The following SEMA6D variants were observed in gnomAD, a reference collection of about 807,000 sequenced individuals.
SEMA6D encodes semaphorin 6D.
SEMA6D carries 35 observed loss-of-function variants against 106.6 expected under a neutral mutation model. The observed-to-expected ratio is 0.33, with a 90% CI of 0.25 to 0.44. The LOEUF (loss-of-function observed/expected upper bound fraction) is 0.44. Ranked by LOEUF, SEMA6D falls within the 20% of genes least tolerant of loss-of-function variation. SEMA6D has a pLI of 1.00. For missense variants in SEMA6D, 1,185 were observed against 1,345.9 expected, an observed-to-expected ratio of 0.88 and a Z score of 1.87; for synonymous variants, 499 against 487.7, an observed-to-expected ratio of 1.02 and a Z score of -0.31.
chr15:47,620,498 A>G (rs2077078874), intron 4 of SEMA6D, among the ~76,000 whole-genome samples: 1 of 152,182 alleles, frequency 6.6e-6, no homozygotes, highest in African/African-American at 2.4e-5. Context: ...AATTAAGATG[A>G]ACATGCAGCC....
intron 4 of SEMA6D, among the ~76,000 whole-genome samples, chr15:47,707,571 A>G (rs1346570485): frequency 6.6e-6 from 1 of 152,186 alleles, no homozygotes; most frequent in East Asian, 1.9e-4. Flanking sequence ...AAGTTGGAGG[A>G]CAGAGTCTAG....
chr15:47,727,319 C>A (rs536534081), intron 1 of SEMA6D, among the ~76,000 whole-genome samples: 2 of 152,318 alleles, frequency 1.3e-5, no homozygotes, highest in African/African-American at 2.4e-5. Flanking sequence ...TGTTTCGCTG[C>A]GTCTGGAATG....
chr15:47,571,596 T>C (rs918776933), intron 3 of SEMA6D, among the ~76,000 whole-genome samples: 10 of 152,232 alleles, frequency 6.6e-5, no homozygotes, highest in Admixed American at 5.9e-4. Context: ...AACTATTTTG[T>C]GGCTGGGATG....
intron 1 of SEMA6D, among the ~76,000 whole-genome samples, chr15:47,381,249 G>T (rs140152623): frequency 6.6e-6 from 1 of 152,332 alleles, no homozygotes; most frequent in African/African-American, 2.4e-5. Context: ...CAAATTCACA[G>T]GTTCAACCAG....
intron 3 of SEMA6D, among the ~76,000 whole-genome samples, chr15:47,501,871 TG>T (rs145393374): frequency 0.46 from 69,242 of 150,576 alleles, 17,351 homozygotes; most frequent in East Asian, 0.81. Context: ...TGTTTTGTTT[TG>T]TTTTGTTTTA....
intron 1 of SEMA6D, among the ~76,000 whole-genome samples, chr15:47,250,432 C>G (rs1595543963): frequency 6.6e-6 from 1 of 151,666 alleles, no homozygotes; most frequent in East Asian, 1.9e-4. Flanking sequence ...GAACCTTTAG[C>G]AAATCCTGAA....
At chr15:47,314,475 G>T (rs1351145731) in intron 1 of SEMA6D, among the ~76,000 whole-genome samples, 1 of 147,290 alleles carries the variant, frequency 6.8e-6, no homozygotes, top group Admixed American at 6.8e-5. Context: ...GCGGGCGCCT[G>T]TAGTCCCAGC....
At chr15:47,490,434 A>G (rs1296299875) in intron 3 of SEMA6D, among the ~76,000 whole-genome samples, 1 of 152,150 alleles carries the variant, frequency 6.6e-6, no homozygotes, top group African/African-American at 2.4e-5. Context: ...TCACAAGGTC[A>G]GGAGTTCAAG....
intron 1 of SEMA6D, among the ~76,000 whole-genome samples, chr15:47,368,096 A>G (rs1231410735): frequency 6.6e-6 from 1 of 152,108 alleles, no homozygotes; most frequent in African/African-American, 2.4e-5. Context: ...TCAGCATTTC[A>G]TCTTTGTATT....
Position 47,711,082 on chromosome 15 carries a change from G to A in SEMA6D, c.-54-48663G>A, listed in dbSNP as rs554242443. The stretch of plus-strand genomic sequence containing the variant: ...CCCAGCACTTTGGGAGGCCGAGGCG[G>A]GCGGATCACGAGGTCAGGAGATCGA... On this transcript the variant is annotated intron_variant, in intron 4 of 19. Coordinates refer to the SEMA6D transcript ENST00000558014. Among the ~76,000 whole-genome samples, 1,202 of 152,090 alleles carry A rather than the reference G, an allele frequency of 7.9e-3. 17 individuals are homozygous for A. Among genetic ancestry groups the A allele is most frequent in the African/African-American group, 0.028 (1,162 of 41,458 alleles).
At chr15:47,308,456 C>G (rs1283582622) in intron 1 of SEMA6D, among the ~76,000 whole-genome samples, 1 of 152,160 alleles carries the variant, frequency 6.6e-6, no homozygotes, top group African/African-American at 2.4e-5. Context: ...AAGTATTATA[C>G]TTTACCTATA....
At chr15:47,354,901 G>C (rs2038505453) in intron 1 of SEMA6D, among the ~76,000 whole-genome samples, 1 of 152,078 alleles carries the variant, frequency 6.6e-6, no homozygotes, top group African/African-American at 2.4e-5. Flanking sequence ...AGCCCTACGG[G>C]ACAAAATCAC....
chr15:47,281,354 TG>T (rs1265728006), intron 1 of SEMA6D, among the ~76,000 whole-genome samples: 7 of 135,396 alleles, frequency 5.2e-5, no homozygotes, highest in African/African-American at 1.9e-4. Context: ...TTGCAACCCC[TG>T]CCTTTTTTTG....
intron 1 of SEMA6D, among the ~76,000 whole-genome samples, chr15:47,215,682 T>C (rs978625828): frequency 6.6e-6 from 1 of 152,128 alleles, no homozygotes; most frequent in African/African-American, 2.4e-5. Flanking sequence ...TTCACAAAAT[T>C]TCAAAACTGA....
rs908776571 is a variant in SEMA6D at position 47,253,774 on chromosome 15, A to C, written c.-239+69356A>C. On this transcript the variant is annotated intron_variant, in intron 1 of 19. Coordinates refer to the SEMA6D transcript ENST00000558014. ...ACTGTTGCTTTCTAGTATATTCTGA[A>C]GTCAAGTAATGTGATTCCTACAGCT... 3.3e-5 allele frequency among the ~76,000 whole-genome samples: 5 copies of C among 152,188 alleles called. No individual in the cohort carries two copies. In the East Asian group the frequency reaches 7.7e-4, roughly 23 times the overall value.
rs1209579704 is a variant in SEMA6D at position 47,730,684 on chromosome 15, T to C, written c.-55+12992T>C. 6 of 1,608,506 alleles carry C rather than the reference T, an allele frequency of 3.7e-6. No individual in the cohort carries two copies. The Admixed American group carries it at 1.0e-4, about 27-fold the overall frequency. On this transcript the variant is annotated intron_variant, in intron 1 of 18. Coordinates refer to ENST00000536845, the MANE Select transcript of SEMA6D (RefSeq NM_001358351.3). ...GCTCGCTGTTTGGCGGTCCAGGGCC[T>C]GGGTGAACTGGTTAATCGCAGGAGG...
At chr15:47,648,342 CTGAG>C (rs1307456364) in intron 4 of SEMA6D, among the ~76,000 whole-genome samples, 1 of 152,140 alleles carries the variant, frequency 6.6e-6, no homozygotes, top group Non-Finnish European at 1.5e-5. Flanking sequence ...GTGTCCCAGT[CTGAG>C]TGAGCATGGG....
chr15:47,597,866 A>G (rs1362210168), intron 3 of SEMA6D, among the ~76,000 whole-genome samples: 1 of 149,686 alleles, frequency 6.7e-6, no homozygotes, highest in Non-Finnish European at 1.5e-5. Flanking sequence ...TATATTATAT[A>G]TATATAACAT....
At position 47,764,713 on chromosome 15, in the gene SEMA6D, A is replaced by G. The variant is rs1314200423; in HGVS notation, c.1173A>G (p.Ser391=). 1.9e-6 allele frequency: 3 copies of G among 1,613,952 alleles called. No homozygotes were observed. The highest frequency in any genetic ancestry group is 2.5e-6 in the Non-Finnish European group (3 of 1,179,924). ...TCGATTTCCCGGATGAAACTCTGTC[A>G]TTCATCAAATCTCATCCCCTGATGG... is the stretch of plus-strand genomic sequence containing the variant. ...TSIDFPDETL[S]FIKSHPLMDS... is the part of the protein sequence containing the mutation. Residue 391 remains serine (S), a synonymous_variant, in exon 12 of 19, where the codon TCA becomes TCG. Coordinates refer to ENST00000536845, the MANE Select transcript of SEMA6D (RefSeq NM_001358351.3).
Sources: allele counts gnomAD v4.1 joint callset (sites outside exome capture counted in the v4.1 genomes callset), GRCh38; gene constraint gnomAD v4.1.1; transcripts MANE v1.5; gene names NCBI Gene and HGNC (gene_info 2026-07-23, HGNC 2026-07-21).